THSD7B: variants seen among roughly 807,000 people sequenced by gnomAD.
THSD7B encodes the protein thrombospondin type 1 domain containing 7B.
In THSD7B, 138 loss-of-function variants were observed where a neutral mutation model predicts 213.6. The observed-to-expected ratio is 0.65, with a 90% CI of 0.56 to 0.74. The LOEUF is 0.74. Ranked by LOEUF, THSD7B falls within the 30% of genes least tolerant of loss-of-function variation. The pLI is 0.00. For missense variants in THSD7B, 1,931 were observed against 1,991.5 expected, an observed-to-expected ratio of 0.97 and a Z score of 0.58; for synonymous variants, 742 against 687.0, an observed-to-expected ratio of 1.08 and a Z score of -1.25.
chr2:137,482,500 T>G (rs184281192), intron 15 of THSD7B, among the ~76,000 whole-genome samples: 17 of 152,338 alleles, frequency 1.1e-4, no homozygotes, highest in Non-Finnish European at 2.5e-4. Context: ...TTTCCTAAAC[T>G]TATTTAATCA....
intron 12 of THSD7B, among the ~76,000 whole-genome samples, chr2:137,365,047 A>G (rs1685373329): frequency 6.6e-6 from 1 of 152,218 alleles, no homozygotes; most frequent in African/African-American, 2.4e-5. Flanking sequence ...ACAGAGATAT[A>G]GACCAGTGGA....
intron 2 of THSD7B, among the ~76,000 whole-genome samples, chr2:136,900,320 G>A (rs1313105478): frequency 6.6e-6 from 1 of 152,134 alleles, no homozygotes; most frequent in Admixed American, 6.5e-5. Flanking sequence ...TCTCTTTGTA[G>A]TAAGTTACTT....
chr2:136,926,681 G>A (rs1338841469), intron 2 of THSD7B, among the ~76,000 whole-genome samples: 3 of 142,710 alleles, frequency 2.1e-5, no homozygotes, highest in African/African-American at 5.3e-5. Context: ...ATGACAGAAC[G>A]AGACCTTATC....
intron 10 of THSD7B, among the ~76,000 whole-genome samples, chr2:137,268,306 C>T (rs1187273330): frequency 1.4e-5 from 2 of 145,216 alleles, no homozygotes; most frequent in Non-Finnish European, 3.0e-5. Context: ...CTCCCCCAGG[C>T]CCCCACCCCC....
At chr2:136,793,103 A>G (rs1393479265) in intron 1 of THSD7B, among the ~76,000 whole-genome samples, 2 of 152,052 alleles carry the variant, frequency 1.3e-5, no homozygotes, top group African/African-American at 4.8e-5. Context: ...AGTAAATAAT[A>G]TATGAGTGGA....
chr2:137,546,206 A>G (rs1680704950), intron 15 of THSD7B, among the ~76,000 whole-genome samples: 1 of 147,058 alleles, frequency 6.8e-6, no homozygotes, highest in Admixed American at 7.0e-5. Flanking sequence ...ATATTAATGC[A>G]TAATGCTGAT....
intron 2 of THSD7B, among the ~76,000 whole-genome samples, chr2:136,897,885 T>G (rs574085694): frequency 6.6e-6 from 1 of 152,156 alleles, no homozygotes; most frequent in South Asian, 2.1e-4. Context: ...TTTACAAACC[T>G]TTAGCTAGAC....
intron 12 of THSD7B, among the ~76,000 whole-genome samples, chr2:137,346,345 T>C (rs1276201824): frequency 2.0e-5 from 3 of 151,676 alleles, no homozygotes; most frequent in Admixed American, 1.3e-4. Flanking sequence ...TATGTTTTAT[T>C]GCCATGGGTT....
chr2:137,670,790 G>T (rs970301547), intron 27 of THSD7B, among the ~76,000 whole-genome samples: 1 of 151,760 alleles, frequency 6.6e-6, no homozygotes, highest in African/African-American at 2.4e-5. Context: ...GTGTGGTGGC[G>T]GGCGCCTGTA....
In THSD7B at chr2:137,306,688, A is replaced by T. The variant is rs544755520; in HGVS notation, c.2500+30662A>T. Among the ~76,000 whole-genome samples the T allele has an allele frequency of 5.9e-5, 9 of 152,012 alleles. No homozygotes were observed. The South Asian group carries it at 1.9e-3, about 32-fold the overall frequency. On this transcript the variant is annotated intron_variant, in intron 12 of 27. Transcript: ENST00000409968. Reference sequence around the variant, plus strand: ...TTTTTTCTGTGATATCTTTAGACTGATACATGTTTTCTATATTTACCCTTT... The same window carrying T: ...TTTTTTCTGTGATATCTTTAGACTGTTACATGTTTTCTATATTTACCCTTT...
At chr2:136,825,945 C>G (rs773401451) in intron 1 of THSD7B, among the ~76,000 whole-genome samples, 3 of 152,086 alleles carry the variant, frequency 2.0e-5, no homozygotes, top group Non-Finnish European at 4.4e-5. Flanking sequence ...AGTCCTTTTG[C>G]TTCGCAGCAC....
chr2:136,915,933 T>C (rs1317941033), intron 2 of THSD7B, among the ~76,000 whole-genome samples: 1 of 152,262 alleles, frequency 6.6e-6, no homozygotes, highest in African/African-American at 2.4e-5. Flanking sequence ...TAAGTGCCTA[T>C]ACTTGAAGTA....
At chr2:137,269,732 A>C (rs1374984259) in intron 10 of THSD7B, among the ~76,000 whole-genome samples, 3 of 152,232 alleles carry the variant, frequency 2.0e-5, no homozygotes, top group Admixed American at 2.0e-4. Flanking sequence ...ACCCAAATAA[A>C]GATAGCTTTT....
intron 15 of THSD7B, among the ~76,000 whole-genome samples, chr2:137,493,393 T>C (rs1292441468): frequency 6.6e-6 from 1 of 152,136 alleles, no homozygotes; most frequent in Non-Finnish European, 1.5e-5. Flanking sequence ...TTAACTTTAT[T>C]ATATGTAATC....
chr2:137,140,067 T>C (rs1418592253), intron 5 of THSD7B, among the ~76,000 whole-genome samples: 3 of 151,388 alleles, frequency 2.0e-5, no homozygotes, highest in African/African-American at 4.9e-5. Context: ...GAATGTTGAA[T>C]GTTGCCTGTC....
rs879335014 is a variant in THSD7B, at chr2:137,646,681, T to TAATAATAATAATAATAATAAA, written c.3945+4050_3945+4051insTAATAATAATAATAATAAAAA. 3.8e-3 allele frequency among the ~76,000 whole-genome samples: 564 copies of TAATAATAATAATAATAATAAA among 148,156 alleles called. 2 individuals carry two copies. Among genetic ancestry groups the TAATAATAATAATAATAATAAA allele is most frequent in the African/African-American group, 4.8e-3 (195 of 40,314 alleles). On this transcript the variant is annotated intron_variant, in intron 21 of 27. Coordinates refer to ENST00000409968, the MANE Select transcript of THSD7B (RefSeq NM_001316349.2). ...ATAATAATAATAATAATAATAATAATAAACACTTCACTGGCACCTTGATCT... is the reference window on the plus strand; with the variant it reads ...ATAATAATAATAATAATAATAATAATAATAATAATAATAATAATAAAAAACACTTCACTGGCACCTTGATCT...
intron 17 of THSD7B, among the ~76,000 whole-genome samples, chr2:137,585,297 G>C (rs1274243151): frequency 6.6e-6 from 1 of 151,818 alleles, no homozygotes; most frequent in Non-Finnish European, 1.5e-5. Flanking sequence ...ACCAGCTCCT[G>C]GATTTATTGA....
intron 15 of THSD7B, among the ~76,000 whole-genome samples, chr2:137,539,229 C>T (rs1159361032): frequency 1.3e-5 from 2 of 151,552 alleles, no homozygotes; most frequent in Non-Finnish European, 3.0e-5. Context: ...GCCTTAGGGG[C>T]CAAGTGCTAA....
rs182106194 is a variant in THSD7B at position 137,618,266 on chromosome 2, A to G, written c.3566-126A>G. ...GCATTGCATGATGATTCCCAAAGCT[A>G]CCTGGAAATGATTTTAGGATTATGT... On this transcript the variant is annotated intron_variant, in intron 18 of 27. Transcript: ENST00000409968. 2.0e-4 allele frequency: 139 copies of G among 707,628 alleles called. No homozygotes were observed. In the African/African-American group the frequency reaches 2.1e-3, roughly 11 times the overall value. The allele number at this position is 707,628 out of a possible 1,614,324, so 43.8% of individuals were successfully genotyped here.
Sources: allele counts gnomAD v4.1 joint callset (sites outside exome capture counted in the v4.1 genomes callset), GRCh38; gene constraint gnomAD v4.1.1; transcripts MANE v1.5; gene names NCBI Gene and HGNC (gene_info 2026-07-23, HGNC 2026-07-21).